The following ULK4 variants were observed in gnomAD, a reference collection of about 807,000 sequenced individuals.
ULK4 encodes inactive serine/threonine-protein kinase ULK4.
Under a neutral mutation model 160.6 loss-of-function variants are expected in ULK4, and 133 were observed. The observed-to-expected ratio is 0.83, with a 90% CI of 0.72 to 0.96. ULK4 has a LOEUF of 0.96. Ranked by LOEUF, ULK4 falls within the 40% of genes least tolerant of loss-of-function variation. The probability of loss-of-function intolerance (pLI) is 0.00; values close to 1 mark genes in which losing one functional copy is unlikely to be tolerated. For synonymous variants in ULK4, 534 were observed against 539.8 expected, an observed-to-expected ratio of 0.99 and a Z score of 0.15; for missense variants, 1,580 against 1,499.5, an observed-to-expected ratio of 1.05 and a Z score of -0.89.
At chr3:41,470,048 A>AAAAAAAAAAAAAT (rs2083947100) in intron 32 of ULK4, among the ~76,000 whole-genome samples, 1 of 112,430 alleles carries the variant, frequency 8.9e-6, no homozygotes, top group Non-Finnish European at 1.8e-5. Flanking sequence ...AAAAAAAAAC[A>AAAAAAAAAAAAAT]AAGTATTTTT....
chr3:41,856,045 T>G (rs961347131), intron 17 of ULK4, among the ~76,000 whole-genome samples: 2 of 152,182 alleles, frequency 1.3e-5, no homozygotes, highest in Admixed American at 1.3e-4. Context: ...AAGCATGTCT[T>G]TAAAGAATTC....
intron 32 of ULK4, among the ~76,000 whole-genome samples, chr3:41,562,844 C>A (rs1486415316): frequency 3.3e-5 from 5 of 152,142 alleles, no homozygotes; most frequent in Admixed American, 2.0e-4. Flanking sequence ...TCAATTGGGG[C>A]ATTTAGCCCA....
chr3:41,255,489 A>G (rs934066992), intron 35 of ULK4, among the ~76,000 whole-genome samples: 3 of 152,166 alleles, frequency 2.0e-5, no homozygotes, highest in African/African-American at 4.8e-5. Context: ...ATCTCAAAAA[A>G]TAAATAAATA....
chr3:41,563,060 T>C (rs1020167626), intron 32 of ULK4, among the ~76,000 whole-genome samples: 4 of 152,154 alleles, frequency 2.6e-5, no homozygotes, highest in Admixed American at 1.3e-4. Flanking sequence ...AGCCTGGTGG[T>C]GACAGTCTCT....
intron 34 of ULK4, among the ~76,000 whole-genome samples, chr3:41,434,012 A>G (rs941423939): frequency 6.6e-6 from 1 of 152,136 alleles, no homozygotes; most frequent in Non-Finnish European, 1.5e-5. Context: ...GTGAGCCACC[A>G]CACCCGGCCT....
intron 29 of ULK4, among the ~76,000 whole-genome samples, chr3:41,666,142 C>T (rs1345262951): frequency 2.0e-5 from 3 of 152,092 alleles, no homozygotes; most frequent in Non-Finnish European, 4.4e-5. Flanking sequence ...CCTTGGTGTC[C>T]AGGGTTTTTA....
chr3:41,458,898 G>C (rs2083616451), intron 33 of ULK4, among the ~76,000 whole-genome samples: 1 of 151,912 alleles, frequency 6.6e-6, no homozygotes, highest in South Asian at 2.1e-4. Flanking sequence ...TGGGATTACG[G>C]GTCCCCGCAA....
At chr3:41,533,093 A>G (rs556020143) in intron 32 of ULK4, among the ~76,000 whole-genome samples, 38 of 152,250 alleles carry the variant, frequency 2.5e-4, no homozygotes, top group African/African-American at 8.9e-4. Context: ...GAGATCATGT[A>G]GAGAGAGAGG....
At chr3:41,676,077 C>T (rs1221573085) in intron 29 of ULK4, among the ~76,000 whole-genome samples, 2 of 152,112 alleles carry the variant, frequency 1.3e-5, no homozygotes, top group Non-Finnish European at 1.5e-5. Context: ...AGAACCTGAG[C>T]AGAGAACCCA....
chr3:41,558,155 G>C (rs902949013), intron 32 of ULK4, among the ~76,000 whole-genome samples: 1 of 152,110 alleles, frequency 6.6e-6, no homozygotes, highest in African/African-American at 2.4e-5. Flanking sequence ...AAGGATACAT[G>C]TATAAAACTA....
At chr3:41,922,958 G>C (rs1018875263) in intron 5 of ULK4, among the ~76,000 whole-genome samples, 3 of 152,030 alleles carry the variant, frequency 2.0e-5, no homozygotes, top group African/African-American at 4.8e-5. Context: ...AATCACCCAA[G>C]GTCAGGAGTT....
chr3:41,377,380 A>C (rs1222244027), intron 35 of ULK4, among the ~76,000 whole-genome samples: 40 of 151,348 alleles, frequency 2.6e-4, no homozygotes, highest in Admixed American at 1.4e-3. Context: ...AATGGGATCT[A>C]ATTAAACTAA....
chr3:41,647,979 T>C (rs553263882), intron 30 of ULK4, among the ~76,000 whole-genome samples: 356 of 152,314 alleles, frequency 2.3e-3, no homozygotes, highest in African/African-American at 8.2e-3. Flanking sequence ...CGAGACTCCG[T>C]GGGCGTAGGA....
intron 7 of ULK4, among the ~76,000 whole-genome samples, chr3:41,916,406 T>G (rs1260546974): frequency 6.6e-6 from 1 of 152,044 alleles, no homozygotes; most frequent in Non-Finnish European, 1.5e-5. Flanking sequence ...GGGAGTTTTT[T>G]GAGATAGAGT....
At chr3:41,578,383 C>T (rs1432709055) in intron 31 of ULK4, among the ~76,000 whole-genome samples, 1 of 152,168 alleles carries the variant, frequency 6.6e-6, no homozygotes, top group Non-Finnish European at 1.5e-5. Context: ...CTTACCTTTT[C>T]TTAGACTCTA....
chr3:41,849,298 T>C (rs1359759214), intron 17 of ULK4, among the ~76,000 whole-genome samples: 1 of 152,218 alleles, frequency 6.6e-6, no homozygotes, highest in Non-Finnish European at 1.5e-5. Flanking sequence ...TGCATCCATA[T>C]CTTAGGGTAG....
intron 12 of ULK4, among the ~76,000 whole-genome samples, chr3:41,906,195 C>A (rs1425652173): frequency 8.5e-6 from 1 of 117,352 alleles, no homozygotes; most frequent in Middle Eastern, 7.4e-3. Context: ...CCAGCCTGGG[C>A]GACAGAGCGA....
chr3:41,649,205 G>A (rs552378800), intron 30 of ULK4, among the ~76,000 whole-genome samples: 11 of 152,208 alleles, frequency 7.2e-5, no homozygotes, highest in South Asian at 6.2e-4. Context: ...AAATACAGGC[G>A]CAGACAGAAT....
intron 32 of ULK4, among the ~76,000 whole-genome samples, chr3:41,543,400 TAAG>T (rs57491360): frequency 0.51 from 77,377 of 151,594 alleles, 19,829 homozygotes; most frequent in Middle Eastern, 0.58. Context: ...ACTAATCCTG[TAAG>T]AAGATGAGAT....
Sources: gnomAD v4.1 joint callset for allele counts (sites outside exome capture counted in the v4.1 genomes callset) on GRCh38, gnomAD v4.1.1 for gene constraint, MANE v1.5 for transcripts, NCBI Gene and HGNC (gene_info 2026-07-23, HGNC 2026-07-21) for gene names.